The following DCAF8L2 variants were observed in gnomAD, a reference collection of about 807,000 sequenced individuals.
The protein encoded by DCAF8L2 is DDB1 and CUL4 associated factor 8 like 2, also known as DDB1- and CUL4-associated factor 8-like protein 2.
For missense variants in DCAF8L2, 430 were observed against 490.7 expected (o/e 0.88, Z 1.17); for synonymous variants, 200 against 190.9 (o/e 1.05, Z -0.39).
chrX:27,524,314 C>T, the DCAF8L2 span, among the ~76,000 whole-genome samples: 10 of 112,023 alleles, frequency 8.9e-5, no homozygotes, highest in African/African-American at 3.2e-4. Context: ...AGTTTATTTG[C>T]ATAGAGGTGT....
In DCAF8L2 at chrX:27,609,089, T is replaced by C. The variant is rs755811645; in HGVS notation, c.-342+18649T>C. On this transcript the variant is annotated intron_variant, in intron 1 of 4. Transcript: ENST00000451261. ...TAACATGTATTATGCTTCTACCATGTATCACGAACTATGGGCAAAGCCTCC... is the reference window on the plus strand; with the variant it reads ...TAACATGTATTATGCTTCTACCATGCATCACGAACTATGGGCAAAGCCTCC... Among the ~76,000 whole-genome samples, 5 of 111,866 alleles carry C rather than the reference T, an allele frequency of 4.5e-5. No homozygotes were observed. In the South Asian group the frequency reaches 1.5e-3, roughly 34 times the overall value.
At chrX:27,731,158 G>GACCGAGGGA (rs1921170327) in intron 4 of DCAF8L2, among the ~76,000 whole-genome samples, 1 of 110,076 alleles carries the variant, frequency 9.1e-6, no homozygotes, top group Non-Finnish European at 1.9e-5. Flanking sequence ...CGAGGCGGGT[G>GACCGAGGGA]GATCACTTGA....
chrX:27,474,613 A>G, the DCAF8L2 span, among the ~76,000 whole-genome samples: 1 of 112,111 alleles, frequency 8.9e-6, no homozygotes, highest in African/African-American at 3.2e-5. Flanking sequence ...GGTATAAAAC[A>G]CTGGTTACTG....
chrX:27,743,212 G>C (rs1459503093), intron 4 of DCAF8L2, among the ~76,000 whole-genome samples: 1 of 109,135 alleles, frequency 9.2e-6, no homozygotes, highest in African/African-American at 3.4e-5. Context: ...TCAGCCTCCC[G>C]GGTAGCTGGG....
the DCAF8L2 span, among the ~76,000 whole-genome samples, chrX:27,533,571 T>C: frequency 8.9e-6 from 1 of 111,939 alleles, no homozygotes; most frequent in Non-Finnish European, 1.9e-5. Context: ...AACCTTGTCA[T>C]TAGTGAGTCA....
intron 2 of DCAF8L2, among the ~76,000 whole-genome samples, chrX:27,676,697 A>G (rs945962857): frequency 5.4e-5 from 6 of 111,520 alleles, no homozygotes; most frequent in African/African-American, 2.0e-4. Context: ...CAAGGACTCT[A>G]ACTGTTGCTG....
intron 4 of DCAF8L2, among the ~76,000 whole-genome samples, chrX:27,717,708 T>G (rs916780288): frequency 8.9e-6 from 1 of 112,563 alleles, no homozygotes; most frequent in African/African-American, 3.2e-5. Flanking sequence ...TAGTTTCTTT[T>G]GCTGTGCAGA....
At chrX:27,471,469 G>A in the DCAF8L2 span, among the ~76,000 whole-genome samples, 10 of 110,767 alleles carry the variant, frequency 9.0e-5, no homozygotes, top group African/African-American at 2.3e-4. Flanking sequence ...CTTTCTTCCC[G>A]CACTTTGTTC....
chrX:27,683,997 A>G (rs1030256670), intron 3 of DCAF8L2, among the ~76,000 whole-genome samples: 7 of 112,624 alleles, frequency 6.2e-5, no homozygotes, highest in African/African-American at 2.3e-4. Context: ...ATGTCAAAAT[A>G]CCGCCGCCTA....
chrX:27,687,682 C>T (rs998575005), intron 3 of DCAF8L2, among the ~76,000 whole-genome samples: 8 of 110,960 alleles, frequency 7.2e-5, no homozygotes, highest in Non-Finnish European at 1.1e-4. Flanking sequence ...AGGAAGATCC[C>T]GTCTACAAAA....
chrX:27,671,207 C>T (rs1324310938), intron 2 of DCAF8L2, among the ~76,000 whole-genome samples: 1 of 111,970 alleles, frequency 8.9e-6, no homozygotes, highest in Non-Finnish European at 1.9e-5. Context: ...ACCACAATAA[C>T]AGGGTAAATT....
At chrX:27,711,308 T>G (rs1339600731) in intron 3 of DCAF8L2, among the ~76,000 whole-genome samples, 1 of 110,397 alleles carries the variant, frequency 9.1e-6, no homozygotes, top group Non-Finnish European at 1.9e-5. Context: ...GTCTTTCAGG[T>G]CTTTCTCTGT....
chrX:27,517,673 G>A, the DCAF8L2 span: 5 of 666,838 alleles, frequency 7.5e-6, no homozygotes, highest in South Asian at 2.2e-5. Flanking sequence ...GTGCTTTGGC[G>A]AGGTGGGATG....
intron 2 of DCAF8L2, among the ~76,000 whole-genome samples, chrX:27,641,767 C>A (rs777064982): frequency 1.8e-5 from 2 of 110,168 alleles, no homozygotes; most frequent in African/African-American, 6.6e-5. Context: ...CCACCACGCC[C>A]GGCCAAGTAT....
At chrX:27,618,698 C>T (rs936949365) in intron 1 of DCAF8L2, among the ~76,000 whole-genome samples, 2 of 110,923 alleles carry the variant, frequency 1.8e-5, no homozygotes, top group East Asian at 2.8e-4. Flanking sequence ...AACCCCCATG[C>T]GCCCTCTTGG....
At chrX:27,506,914 CT>C in the DCAF8L2 span, among the ~76,000 whole-genome samples, 1 of 111,420 alleles carries the variant, frequency 9.0e-6, no homozygotes, top group Non-Finnish European at 1.9e-5. Flanking sequence ...TTCCAAGGTG[CT>C]TAGGGTTAGG....
chrX:27,712,374 T>C (rs751638140), intron 3 of DCAF8L2, among the ~76,000 whole-genome samples: 29 of 111,767 alleles, frequency 2.6e-4, no homozygotes, highest in African/African-American at 8.8e-4. Context: ...TTTGTTTCTC[T>C]TCCAGTAAGT....
At chrX:27,604,804 T>G (rs1252941948) in intron 1 of DCAF8L2, among the ~76,000 whole-genome samples, 1 of 111,567 alleles carries the variant, frequency 9.0e-6, no homozygotes, top group Non-Finnish European at 1.9e-5. Context: ...ACATAAAAAT[T>G]CAAGACATGC....
At chrX:27,657,873 C>A (rs1244839911) in intron 2 of DCAF8L2, among the ~76,000 whole-genome samples, 2 of 111,199 alleles carry the variant, frequency 1.8e-5, no homozygotes, top group Non-Finnish European at 3.8e-5. Flanking sequence ...ATATATATAC[C>A]CCCGGATGTA....
Sources: allele counts gnomAD v4.1 joint callset (sites outside exome capture counted in the v4.1 genomes callset), GRCh38; gene constraint gnomAD v4.1.1; transcripts MANE v1.5; gene names NCBI Gene and HGNC (gene_info 2026-07-23, HGNC 2026-07-21).